PSD3: variants seen among roughly 807,000 people sequenced by gnomAD.
The protein encoded by PSD3 is PH and SEC7 domain-containing protein 3.
A neutral mutation model predicts 105.5 loss-of-function variants in PSD3; 49 were observed. The ratio of observed to expected loss-of-function variants is 0.46; its 90% CI spans 0.37 to 0.59. The LOEUF is 0.59. Among genes scored for constraint, PSD3 ranks in the 20% least tolerant of loss-of-function variants. PSD3 has a pLI of 0.00. For synonymous variants in PSD3, 557 were observed against 457.8 expected (o/e 1.22, Z -2.77); for missense variants, 1,561 against 1,263.8 (o/e 1.24, Z -3.57).
At chr8:18,986,387 T>A (rs1373883144) in intron 1 of PSD3, among the ~76,000 whole-genome samples, 2 of 152,130 alleles carry the variant, frequency 1.3e-5, no homozygotes, top group East Asian at 3.9e-4. Flanking sequence ...TGCACTGTGT[T>A]TCTGATTTAA....
At chr8:18,869,673 C>T (rs750867625) in intron 3 of PSD3, among the ~76,000 whole-genome samples, 58 of 152,206 alleles carry the variant, frequency 3.8e-4, no homozygotes, top group African/African-American at 3.1e-4. Flanking sequence ...TCCTTCCTCA[C>T]GTCTCAGTGT....
intron 4 of PSD3, among the ~76,000 whole-genome samples, chr8:18,824,390 A>C (rs945899854): frequency 2.0e-5 from 3 of 152,152 alleles, no homozygotes; most frequent in African/African-American, 7.2e-5. Flanking sequence ...AAGCCGACCA[A>C]AGTTCAGGTC....
intron 1 of PSD3, among the ~76,000 whole-genome samples, chr8:19,070,502 G>C (rs979131351): frequency 2.0e-5 from 3 of 151,840 alleles, no homozygotes; most frequent in Middle Eastern, 3.4e-3. Context: ...ATGGTGAAAC[G>C]CTATCTCTAC....
chr8:18,973,463 G>A (rs973348305), intron 1 of PSD3, among the ~76,000 whole-genome samples: 2 of 152,102 alleles, frequency 1.3e-5, no homozygotes, highest in African/African-American at 4.8e-5. Context: ...GTCCTCAGAT[G>A]GTCTTTCCTG....
At chr8:18,746,225 T>A (rs1338932737) in intron 9 of PSD3, among the ~76,000 whole-genome samples, 1 of 152,138 alleles carries the variant, frequency 6.6e-6, no homozygotes, top group East Asian at 1.9e-4. Context: ...GTTTTTGCTT[T>A]AATCTTTTTT....
chr8:18,793,067 C>A (rs777132451), intron 8 of PSD3, among the ~76,000 whole-genome samples: 9 of 152,040 alleles, frequency 5.9e-5, no homozygotes, highest in African/African-American at 2.2e-4. Flanking sequence ...GAGCAAACTA[C>A]CGCAAGGACA....
rs1563225016 is a variant in PSD3 at position 18,752,514 on chromosome 8, TATGTAATATATATAATTATATATTA to T, written c.2172+12910_2172+12934del. ...TATAATATATATAATATATATAATATATGTAATATATATAATTATATATTATATATATTATATATAATTATATATA... is the reference window on the plus strand; with the variant it reads ...TATAATATATATAATATATATAATATTATATATTATATATAATTATATATA... On this transcript the variant is annotated intron_variant, in intron 9 of 15. Coordinates refer to ENST00000327040, the MANE Select transcript of PSD3 (RefSeq NM_015310.4). Among the ~76,000 whole-genome samples, 201 of 83,500 alleles carry T rather than the reference TATGTAATATATATAATTATATATTA, an allele frequency of 2.4e-3. 3 individuals carry two copies. Among genetic ancestry groups the T allele is most frequent in the African/African-American group, 0.015 (195 of 12,622 alleles). The allele number at this position is 83,500 out of a possible 152,430, so 54.8% of individuals were successfully genotyped here. A position where few individuals can be genotyped will look rare whatever the true frequency, so the allele number is the denominator to read the frequency against.
chr8:18,914,463 A>T (rs971149816), intron 2 of PSD3, among the ~76,000 whole-genome samples: 4 of 152,200 alleles, frequency 2.6e-5, no homozygotes, highest in Admixed American at 1.3e-4. Flanking sequence ...TTATATACAG[A>T]AATCCTAAAG....
chr8:19,076,679 G>GT (rs1829471702), intron 1 of PSD3, among the ~76,000 whole-genome samples: 1 of 152,136 alleles, frequency 6.6e-6, no homozygotes, highest in African/African-American at 2.4e-5. Context: ...CCAAAATGTT[G>GT]TTTTTAAATT....
intron 4 of PSD3, among the ~76,000 whole-genome samples, chr8:18,860,691 G>T (rs1327253890): frequency 1.3e-5 from 2 of 152,082 alleles, no homozygotes; most frequent in African/African-American, 2.4e-5. Flanking sequence ...CCAAAACAAG[G>T]CTCAATGGAT....
At chr8:18,889,478 A>G (rs1395480795) in intron 2 of PSD3, among the ~76,000 whole-genome samples, 1 of 152,152 alleles carries the variant, frequency 6.6e-6, no homozygotes, top group Non-Finnish European at 1.5e-5. Flanking sequence ...GTCCTGGACA[A>G]CTGGGGGCCA....
intron 12 of PSD3, among the ~76,000 whole-genome samples, chr8:18,599,644 G>C (rs1217408268): frequency 1.3e-5 from 2 of 152,168 alleles, no homozygotes; most frequent in Non-Finnish European, 2.9e-5. Flanking sequence ...GGCTTGAACT[G>C]TACAGATCCA....
At chr8:18,686,686 G>A (rs764700951) in intron 9 of PSD3, among the ~76,000 whole-genome samples, 7 of 152,062 alleles carry the variant, frequency 4.6e-5, no homozygotes, top group South Asian at 2.1e-4. Context: ...AATCCCAACC[G>A]CTTCTCACTC....
chr8:18,632,528 C>T (rs1050085441), intron 11 of PSD3, 85 bp downstream of exon 11: 2 of 1,418,566 alleles, frequency 1.4e-6, no homozygotes, highest in South Asian at 1.3e-5. Flanking sequence ...ATTTTTTCAT[C>T]CTTGACTTTC....
chr8:18,547,416 G>A (rs1232464206), intron 15 of PSD3, among the ~76,000 whole-genome samples: 1 of 152,180 alleles, frequency 6.6e-6, no homozygotes, highest in Non-Finnish European at 1.5e-5. Flanking sequence ...CAGTGGCAAT[G>A]GAAGCTGGTG....
intron 2 of PSD3, among the ~76,000 whole-genome samples, chr8:18,922,414 C>A (rs1053857491): frequency 1.2e-4 from 18 of 152,186 alleles, no homozygotes; most frequent in African/African-American, 3.6e-4. Flanking sequence ...TTAAAGTTCT[C>A]AGTTCTAATT....
chr8:18,935,564 G>C (rs7835460), intron 2 of PSD3, among the ~76,000 whole-genome samples: 24,973 of 151,042 alleles, frequency 0.17, 2,215 homozygotes, highest in African/African-American at 0.21. Context: ...AGGTGTGGTG[G>C]CATATGCCTG....
chr8:18,685,905 A>G (rs1442237223), intron 9 of PSD3, among the ~76,000 whole-genome samples: 1 of 152,156 alleles, frequency 6.6e-6, no homozygotes, highest in Admixed American at 6.5e-5. Context: ...TGTGGGGATA[A>G]AGACAGTGCA....
chr8:18,824,287 G>C (rs184646790), intron 4 of PSD3, among the ~76,000 whole-genome samples: 26 of 152,216 alleles, frequency 1.7e-4, no homozygotes, highest in Non-Finnish European at 2.9e-5. Context: ...TTCAGTCCTA[G>C]AGTACCTTCC....
Sources: gnomAD v4.1 joint callset for allele counts (sites outside exome capture counted in the v4.1 genomes callset) on GRCh38, gnomAD v4.1.1 for gene constraint, MANE v1.5 for transcripts, NCBI Gene and HGNC (gene_info 2026-07-23, HGNC 2026-07-21) for gene names.